The following PTPN3 variants were observed in gnomAD, a reference collection of about 807,000 sequenced individuals.
The protein encoded by PTPN3 is tyrosine-protein phosphatase non-receptor type 3.
A neutral mutation model predicts 132.7 loss-of-function variants in PTPN3; 96 were observed. That is an observed-to-expected ratio of 0.72 (90% CI 0.61 to 0.86). The LOEUF (loss-of-function observed/expected upper bound fraction) is 0.86, where lower values mean the gene tolerates loss of function less well. PTPN3 is among the 40% of genes least tolerant of loss of function. The probability of loss-of-function intolerance (pLI) is 0.00; values close to 1 mark genes in which losing one functional copy is unlikely to be tolerated. For missense variants in PTPN3, 1,125 were observed against 1,159.6 expected (o/e 0.97, Z 0.43); for synonymous variants, 398 against 429.0 (o/e 0.93, Z 0.89).
intron 14 of PTPN3, among the ~76,000 whole-genome samples, chr9:109,413,339 C>T (rs1293542179): frequency 6.6e-6 from 1 of 152,202 alleles, no homozygotes; most frequent in Non-Finnish European, 1.5e-5. Context: ...GCCTGCTCAA[C>T]TGTGTACACA....
chr9:109,408,229 CAA>C (rs1395415909), intron 17 of PTPN3, 90 bp downstream of exon 17: 1 of 1,077,682 alleles, frequency 9.3e-7, no homozygotes, highest in Non-Finnish European at 1.3e-6. Flanking sequence ...TTTGCTCTGG[CAA>C]AAAAAGAAAC....
the PTPN3 span, among the ~76,000 whole-genome samples, chr9:109,516,228 G>A: frequency 6.6e-6 from 1 of 152,158 alleles, no homozygotes; most frequent in Non-Finnish European, 1.5e-5. Context: ...GCCAGACACC[G>A]GGATACAAAG....
At chr9:109,417,503 T>G in intron 14 of PTPN3, 3 of 839,252 alleles carry the variant, frequency 3.6e-6, no homozygotes, top group Non-Finnish European at 4.3e-6. Context: ...GTAAACATTT[T>G]GCAAATACTC....
At chr9:109,434,842 T>C (rs1194784780) in intron 9 of PTPN3, among the ~76,000 whole-genome samples, 2 of 152,202 alleles carry the variant, frequency 1.3e-5, no homozygotes, top group Non-Finnish European at 2.9e-5. Flanking sequence ...GTTTGGCACG[T>C]GGAAGACATA....
chr9:109,431,721 C>T (rs1035006832), intron 10 of PTPN3, among the ~76,000 whole-genome samples: 1 of 152,172 alleles, frequency 6.6e-6, no homozygotes, highest in South Asian at 2.1e-4. Flanking sequence ...GCTACTTAAG[C>T]GTTTTCCTAC....
intron 1 of PTPN3, among the ~76,000 whole-genome samples, chr9:109,469,964 T>C (rs1437345587): frequency 6.6e-6 from 1 of 152,148 alleles, no homozygotes; most frequent in African/African-American, 2.4e-5. Context: ...TTTTGCAGTA[T>C]AGAAGCCCTT....
chr9:109,413,188 T>C (rs1385698985), intron 14 of PTPN3, among the ~76,000 whole-genome samples: 2 of 151,700 alleles, frequency 1.3e-5, no homozygotes, highest in Non-Finnish European at 2.9e-5. Flanking sequence ...TCTCTTGACC[T>C]TGTGATCTGC....
the PTPN3 span, among the ~76,000 whole-genome samples, chr9:109,532,115 A>C: frequency 7.5e-3 from 1,145 of 152,246 alleles, 10 homozygotes; most frequent in African/African-American, 0.026. Flanking sequence ...AAACTGGGTG[A>C]CCAAATGTTC....
intron 25 of PTPN3, among the ~76,000 whole-genome samples, chr9:109,380,214 A>AATCTACCTATCT (rs1554773464): frequency 2.1e-5 from 3 of 145,790 alleles, no homozygotes; most frequent in Non-Finnish European, 4.5e-5. Context: ...CAGCTAGGAA[A>AATCTACCTATCT]ATCTATCTAT....
chr9:109,499,085 G>A (rs570665091), upstream of PTPN3, among the ~76,000 whole-genome samples: 18 of 127,132 alleles, frequency 1.4e-4, no homozygotes, highest in African/African-American at 3.9e-4. Flanking sequence ...GGTTTTTCTC[G>A]CGTGGGGAAC....
At chr9:109,397,484 A>T (rs1364997660) in intron 19 of PTPN3, 1 of 152,236 alleles carries the variant, frequency 6.6e-6, no homozygotes, top group Non-Finnish European at 1.5e-5. Context: ...GCCCACCCCA[A>T]GAGGTTGTTT....
Position 109,427,069 on chromosome 9 carries a change from G to A in PTPN3, c.882C>T (p.Cys294=). ...VAFNMLNYRS[C]KNLWKSCVEH... ...CAACACAGGATTTCCACAAGTTTTT[G>A]CAAGATCGGTAATTCAGCATGTTGA... Residue 294 remains cysteine, a synonymous_variant, in exon 12 of 26, where the codon TGC becomes TGT. Transcript: ENST00000374541. The A allele has an allele frequency of 6.2e-7, 1 of 1,614,098 alleles. No individual in the cohort carries two copies. Among genetic ancestry groups the A allele is most frequent in the Non-Finnish European group, 8.5e-7 (1 of 1,179,954 alleles).
chr9:109,388,498 A>G (rs1363216156), intron 22 of PTPN3, among the ~76,000 whole-genome samples: 2 of 152,160 alleles, frequency 1.3e-5, no homozygotes, highest in Non-Finnish European at 2.9e-5. Flanking sequence ...GGAGACCTCA[A>G]ATGAGCTCAG....
intron 1 of PTPN3, 42 bp from the exon 2 acceptor site, chr9:109,463,493 T>C (rs899793740): frequency 1.5e-5 from 24 of 1,569,322 alleles, no homozygotes; most frequent in East Asian, 2.3e-5. Context: ...AATATGCGAA[T>C]TGTCAGTTAC....
At chr9:109,535,601 G>A in the PTPN3 span, among the ~76,000 whole-genome samples, 1 of 152,150 alleles carries the variant, frequency 6.6e-6, no homozygotes, top group South Asian at 2.1e-4. Flanking sequence ...TCCGCCTCCA[G>A]GTTCAAGTGA....
intron 1 of PTPN3, among the ~76,000 whole-genome samples, chr9:109,478,238 A>C (rs1418417726): frequency 6.6e-6 from 1 of 152,222 alleles, no homozygotes; most frequent in African/African-American, 2.4e-5. Context: ...AGGTTGAACA[A>C]AACAAGCCAA....
intron 5 of PTPN3, among the ~76,000 whole-genome samples, chr9:109,453,020 A>G (rs1486333147): frequency 6.6e-6 from 1 of 152,110 alleles, no homozygotes; most frequent in Non-Finnish European, 1.5e-5. Flanking sequence ...CAGCATAAAG[A>G]GCTGGTATGG....
At chr9:109,448,194 C>A (rs751390493) in intron 6 of PTPN3, among the ~76,000 whole-genome samples, 1 of 152,186 alleles carries the variant, frequency 6.6e-6, no homozygotes, top group Non-Finnish European at 1.5e-5. Flanking sequence ...CTGGTAACCT[C>A]TGAAGACCCT....
At chr9:109,510,162 T>C in the PTPN3 span, among the ~76,000 whole-genome samples, 154 of 152,192 alleles carry the variant, frequency 1.0e-3, no homozygotes, top group African/African-American at 3.6e-3. Flanking sequence ...CTGTGCTATA[T>C]AAAGAAAAGA....
Sources: gnomAD v4.1 joint callset for allele counts (sites outside exome capture counted in the v4.1 genomes callset) on GRCh38, gnomAD v4.1.1 for gene constraint, MANE v1.5 for transcripts, NCBI Gene and HGNC (gene_info 2026-07-23, HGNC 2026-07-21) for gene names.